DSCAML1: variants seen among roughly 807,000 people sequenced by gnomAD.
DSCAML1 encodes the protein DS cell adhesion molecule like 1, also known as cell adhesion molecule DSCAML1.
In DSCAML1, 38 loss-of-function variants were observed where a neutral mutation model predicts 200.5. The ratio of observed to expected loss-of-function variants is 0.19; its 90% CI spans 0.15 to 0.25. DSCAML1 has a LOEUF of 0.25. DSCAML1 is among the 10% of genes least tolerant of loss of function. DSCAML1 has a pLI of 1.00. For missense variants in DSCAML1, 2,223 were observed against 2,858.8 expected (o/e 0.78, Z 5.07); for synonymous variants, 1,215 against 1,165.0 (o/e 1.04, Z -0.87).
At chr11:117,476,572 G>A (rs573810150) in intron 14 of DSCAML1, among the ~76,000 whole-genome samples, 4 of 152,348 alleles carry the variant, frequency 2.6e-5, no homozygotes, top group Non-Finnish European at 5.9e-5. Flanking sequence ...CTATGAGGCT[G>A]GTGTAGGGGA....
chr11:117,764,138 T>G (rs775625863), intron 3 of DSCAML1, among the ~76,000 whole-genome samples: 2 of 152,142 alleles, frequency 1.3e-5, no homozygotes, highest in Non-Finnish European at 2.9e-5. Context: ...CCACCCTTCT[T>G]ACCCCTAACA....
chr11:117,614,953 G>T (rs527564597), intron 3 of DSCAML1, among the ~76,000 whole-genome samples: 1 of 152,188 alleles, frequency 6.6e-6, no homozygotes, highest in East Asian at 1.9e-4. Flanking sequence ...AGGGCAGGGC[G>T]GGGACCTCTG....
chr11:117,524,448 C>T (rs1310051474), intron 5 of DSCAML1, among the ~76,000 whole-genome samples: 1 of 152,234 alleles, frequency 6.6e-6, no homozygotes, highest in East Asian at 1.9e-4. Context: ...GAAGCCCTGC[C>T]CTCATGGCGA....
At chr11:117,624,580 A>AC (rs1443512892) in intron 3 of DSCAML1, among the ~76,000 whole-genome samples, 1 of 151,680 alleles carries the variant, frequency 6.6e-6, no homozygotes, top group African/African-American at 2.4e-5. Context: ...TATGATAGGC[A>AC]CTCACATGCG....
Position 117,439,858 on chromosome 11 carries a change from A to G in DSCAML1, c.3941T>C (p.Val1314Ala). 1.2e-6 allele frequency: 2 copies of G among 1,614,158 alleles called. No homozygotes were observed. Among genetic ancestry groups the G allele is most frequent in the Non-Finnish European group, 1.7e-6 (2 of 1,180,014 alleles). The change falls in exon 22 of 33, where the codon GTG (valine) becomes GCG (alanine). Residue 1314 changes from valine to alanine, a missense_variant. Coordinates refer to ENST00000651296, the MANE Select transcript of DSCAML1 (RefSeq NM_020693.4). ...MKDVRLPCNSVGDPAPAVKWT... is the reference protein window; with the variant it reads ...MKDVRLPCNSAGDPAPAVKWT... ...CTTCACAGCAGGGGCTGGATCTCCC[A>G]CTGAATTGCAAGGCAGCCGAACATC...
chr11:117,464,980 G>A lies in DSCAML1; in HGVS notation c.3227C>T (p.Pro1076Leu). The change falls in exon 17 of 33, where the codon CCC (proline) becomes CTC (leucine). Residue 1076 changes from proline to leucine, a missense_variant. Around this residue, in one of 7 missense-constraint regions of DSCAML1, gnomAD observed 438 missense variants for 629.7 expected, o/e 0.70. Transcript: ENST00000651296. ...VQAFNRAGTG[P>L]SSSEINATTL... ...GGTGGCATTGATCTCGCTGGAAGAGGGCCCCGTGCCAGCCCGATTGAAGGC... is the reference window on the plus strand; with the variant it reads ...GGTGGCATTGATCTCGCTGGAAGAGAGCCCCGTGCCAGCCCGATTGAAGGC... The A allele has an allele frequency of 6.2e-7, 1 of 1,614,072 alleles. No homozygotes were observed. The highest frequency in any genetic ancestry group is 8.5e-7 in the Non-Finnish European group (1 of 1,180,002).
rs180970949 is a variant in DSCAML1, at chr11:117,755,513, T to C, written c.511+21278A>G. On this transcript the variant is annotated intron_variant, in intron 3 of 32. Transcript: ENST00000651296. ...CATCCCTGCCCCCCGTCTCCTCGGA[T>C]TGTCATCCCTTTCCTACCCCAGAGC... Among the ~76,000 whole-genome samples, 14 of 152,294 alleles carry C rather than the reference T, an allele frequency of 9.2e-5. No homozygotes were observed. In the East Asian group the frequency reaches 2.1e-3, roughly 23 times the overall value.
Position 117,521,386 on chromosome 11 carries a change from C to T in DSCAML1, c.957G>A (p.Leu319=). The change falls in exon 6 of 33, where the codon CTG becomes CTA. Residue 319 remains leucine (L), a synonymous_variant. Coordinates refer to ENST00000651296, the MANE Select transcript of DSCAML1 (RefSeq NM_020693.4). ...TGCCGGTCTTCAGCTTCTTTGGTGT[C>T]AGGGTCACATGAAGGGGATCTGGGC... ...LMVIDPLHVT[L]TPKKLKTGIG... 1.2e-6 allele frequency: 2 copies of T among 1,613,534 alleles called. No homozygotes were observed. The highest frequency in any genetic ancestry group is 2.2e-5 in the South Asian group (2 of 91,056).
At chr11:117,678,701 A>G (rs148421490) in intron 3 of DSCAML1, among the ~76,000 whole-genome samples, 31 of 152,210 alleles carry the variant, frequency 2.0e-4, no homozygotes, top group African/African-American at 7.2e-4. Flanking sequence ...GCAAGTTCCA[A>G]GGCCAGGGGC....
rs373292920 is a variant in DSCAML1 at position 117,521,364 on chromosome 11, C to T, written c.979G>A (p.Gly327Ser). 275 of 1,614,048 alleles carry T rather than the reference C, an allele frequency of 1.7e-4. No homozygotes were observed. The highest frequency in any genetic ancestry group is 2.0e-4 in the Non-Finnish European group (232 of 1,179,974). The stretch of plus-strand genomic sequence containing the variant: ...GAGAGGATGACCGTGCTGCCAATGC[C>T]GGTCTTCAGCTTCTTTGGTGTCAGG... ...VTLTPKKLKTGIGSTVILSCA... is the reference protein window; with the variant it reads ...VTLTPKKLKTSIGSTVILSCA... The change falls in exon 6 of 33, where the codon GGC (glycine) becomes AGC (serine). Residue 327 changes from glycine to serine, a missense_variant. Transcript: ENST00000651296.
intron 3 of DSCAML1, among the ~76,000 whole-genome samples, chr11:117,769,182 A>ATG (rs2054958413): frequency 4.0e-5 from 1 of 24,758 alleles, no homozygotes; most frequent in Non-Finnish European, 8.9e-5. Flanking sequence ...TATATATATT[A>ATG]TACATATATA....
At chr11:117,714,709 C>T (rs11827322) in intron 3 of DSCAML1, among the ~76,000 whole-genome samples, 9,000 of 150,722 alleles carry the variant, frequency 0.06, 392 homozygotes, top group East Asian at 0.13. Flanking sequence ...CCCAGGTACT[C>T]GGGAGGCTAG....
In DSCAML1 at chr11:117,438,049, C is replaced by T. The variant is rs1319552729; in HGVS notation, c.4278G>A (p.Glu1426=). 2 of 1,613,948 alleles carry T rather than the reference C, an allele frequency of 1.2e-6. No individual in the cohort carries two copies. Among genetic ancestry groups the T allele is most frequent in the African/African-American group, 2.7e-5 (2 of 75,052 alleles). The change falls in exon 25 of 33, where the codon GAG becomes GAA. Residue 1426 remains glutamate (E), a synonymous_variant. Coordinates refer to ENST00000651296, the MANE Select transcript of DSCAML1 (RefSeq NM_020693.4). The part of the protein sequence containing the change: ...FVLQYSVDNS[E]EWKDVFISSS... Reference sequence around the variant, plus strand: ...AGCTGATGAACACATCCTTCCACTCCTCGCTGTTGTCCACCGAGTACTGTA... The same window carrying T: ...AGCTGATGAACACATCCTTCCACTCTTCGCTGTTGTCCACCGAGTACTGTA...
intron 3 of DSCAML1, among the ~76,000 whole-genome samples, chr11:117,725,195 C>T (rs1344632665): frequency 2.0e-5 from 3 of 152,204 alleles, no homozygotes; most frequent in South Asian, 2.1e-4. Context: ...GGCCGGTCTC[C>T]GTGGACGGGA....
intron 3 of DSCAML1, among the ~76,000 whole-genome samples, chr11:117,566,553 G>GT (rs71469137): frequency 6.2e-5 from 4 of 64,810 alleles, no homozygotes; most frequent in East Asian, 3.1e-4. Context: ...TTTTGCCTTG[G>GT]TTTTTTTTTT....
At chr11:117,701,606 C>T (rs759628908) in intron 3 of DSCAML1, among the ~76,000 whole-genome samples, 4 of 152,162 alleles carry the variant, frequency 2.6e-5, no homozygotes, top group South Asian at 2.1e-4. Context: ...AGAAAGCCAG[C>T]GCGGGGTGGG....
intron 3 of DSCAML1, among the ~76,000 whole-genome samples, chr11:117,751,681 A>G (rs1037193712): frequency 1.3e-5 from 2 of 152,136 alleles, no homozygotes; most frequent in Admixed American, 6.5e-5. Flanking sequence ...CTGAAAACCC[A>G]CAGCCTCCTC....
At chr11:117,513,453 A>G (rs967649016) in intron 8 of DSCAML1, among the ~76,000 whole-genome samples, 9 of 152,130 alleles carry the variant, frequency 5.9e-5, no homozygotes, top group Non-Finnish European at 1.2e-4. Flanking sequence ...TTGACAGTCC[A>G]CTTTCATCCG....
chr11:117,623,311 G>A (rs1392824222), intron 3 of DSCAML1, among the ~76,000 whole-genome samples: 4 of 145,896 alleles, frequency 2.7e-5, no homozygotes, highest in Non-Finnish European at 4.5e-5. Flanking sequence ...CCACATCTCA[G>A]GTTCAAGTGA....
Sources: gnomAD v4.1 joint callset for allele counts (sites outside exome capture counted in the v4.1 genomes callset) on GRCh38, gnomAD v4.1.1 for gene constraint, gnomAD v4.1.1 regional missense constraint, MANE v1.5 for transcripts, NCBI Gene and HGNC (gene_info 2026-07-23, HGNC 2026-07-21) for gene names.